The following CCDC102B variants were observed in gnomAD, a reference collection of about 807,000 sequenced individuals.
CCDC102B encodes the protein coiled-coil domain-containing protein 102B.
CCDC102B carries 75 observed loss-of-function variants against 57.4 expected under a neutral mutation model. That is an observed-to-expected ratio of 1.31 (90% CI 1.08 to 1.58). The LOEUF is 1.58. Ranked by LOEUF, CCDC102B falls within the 40% of genes most tolerant of loss-of-function variation. CCDC102B has a pLI of 0.00. For synonymous variants in CCDC102B, 206 were observed against 201.9 expected (o/e 1.02, Z -0.17); for missense variants, 636 against 582.6 (o/e 1.09, Z -0.94).
At chr18:68,728,802 A>G (rs1438141930) in intron 2 of CCDC102B, among the ~76,000 whole-genome samples, 2 of 152,222 alleles carry the variant, frequency 1.3e-5, no homozygotes, top group East Asian at 1.9e-4. Flanking sequence ...GAGAAGTTCA[A>G]TATTACCACA....
In CCDC102B at chr18:68,765,539, A is replaced by G. The variant is rs189677595; in HGVS notation, c.-67+48945A>G. On this transcript the variant is annotated intron_variant, in intron 2 of 3. Transcript: ENST00000578970. ...AGAGAAAGAAATAGAAAGAGAAAAT[A>G]AGTGGAAGCCAAAGGGACTATAGTA... Among the ~76,000 whole-genome samples, 449 of 152,186 alleles carry G rather than the reference A, an allele frequency of 3.0e-3. 2 individuals are homozygous for G. The highest frequency in any genetic ancestry group is 0.01 in the African/African-American group (425 of 41,554).
intron 5 of CCDC102B, among the ~76,000 whole-genome samples, chr18:68,891,063 C>T (rs2040059919): frequency 6.6e-6 from 1 of 152,096 alleles, no homozygotes; most frequent in African/African-American, 2.4e-5. Flanking sequence ...CTTTTCTTAA[C>T]AATTTTTTAT....
intron 2 of CCDC102B, among the ~76,000 whole-genome samples, chr18:68,787,572 G>C (rs933277237): frequency 2.4e-4 from 36 of 151,474 alleles, no homozygotes; most frequent in African/African-American, 2.4e-5. Flanking sequence ...TGTATATGTC[G>C]AGGAATTTAT....
chr18:68,911,670 T>A (rs980829587), intron 6 of CCDC102B, among the ~76,000 whole-genome samples: 26 of 133,072 alleles, frequency 2.0e-4, no homozygotes, highest in African/African-American at 6.7e-4. Flanking sequence ...GAGAATGGCG[T>A]GAACCCGGGA....
intron 2 of CCDC102B, among the ~76,000 whole-genome samples, chr18:68,742,852 A>G (rs939778523): frequency 6.6e-6 from 1 of 152,174 alleles, no homozygotes; most frequent in South Asian, 2.1e-4. Flanking sequence ...TCTTTAAAAG[A>G]GGCACTGTAA....
At chr18:68,960,208 A>G (rs1475280098) in intron 6 of CCDC102B, among the ~76,000 whole-genome samples, 1 of 152,110 alleles carries the variant, frequency 6.6e-6, no homozygotes, top group Non-Finnish European at 1.5e-5. Context: ...TCAGCATGCA[A>G]TGAAACCTGC....
intron 6 of CCDC102B, among the ~76,000 whole-genome samples, chr18:68,998,589 C>CTAGT (rs2051099152): frequency 5.5e-5 from 1 of 18,038 alleles, no homozygotes. Context: ...AGTACCAAAA[C>CTAGT]CCCCAAAGTA....
At chr18:68,721,600 A>G (rs2032334926) in intron 2 of CCDC102B, 2 of 152,212 alleles carry the variant, frequency 1.3e-5, no homozygotes, top group Non-Finnish European at 2.9e-5. Flanking sequence ...ATTTAGAAAT[A>G]GAAAGGGAAG....
rs192366222 is a variant in CCDC102B, at chr18:69,020,283, G to T, written c.1434+9179G>T. Among the ~76,000 whole-genome samples, 8 of 152,018 alleles carry T rather than the reference G, an allele frequency of 5.3e-5. No individual in the cohort carries two copies. In the East Asian group the frequency reaches 9.6e-4, roughly 18 times the overall value. On this transcript the variant is annotated intron_variant, in intron 7 of 7. Coordinates refer to ENST00000360242, the MANE Select transcript of CCDC102B (RefSeq NM_024781.3). ...AATAAAAGTTCTATTTTGAGTAAGAGGAAGAAGAATCACCTAACTTTAAGA... is the reference window on the plus strand; with the variant it reads ...AATAAAAGTTCTATTTTGAGTAAGATGAAGAAGAATCACCTAACTTTAAGA...
chr18:68,717,240 C>A (rs1437972912), intron 2 of CCDC102B, among the ~76,000 whole-genome samples: 4 of 152,088 alleles, frequency 2.6e-5, no homozygotes, highest in Non-Finnish European at 4.4e-5. Flanking sequence ...AAGACCATGT[C>A]TCTATAAAAT....
chr18:68,880,344 C>G (rs187458183), intron 5 of CCDC102B, among the ~76,000 whole-genome samples: 1 of 152,204 alleles, frequency 6.6e-6, no homozygotes, highest in Non-Finnish European at 1.5e-5. Flanking sequence ...CCGCAAGCAC[C>G]GCGCGCAGCC....
rs1367175731 is a variant in CCDC102B, at chr18:68,956,442, AT to A, written c.1264-54490del. Among the ~76,000 whole-genome samples the A allele has an allele frequency of 6.4e-4, 10 of 15,734 alleles. No homozygotes were observed. In the South Asian group the frequency reaches 0.022, roughly 34 times the overall value. 10.3% of individuals were successfully genotyped at this position (15,734 alleles called of 152,430 possible). A position where few individuals can be genotyped will look rare whatever the true frequency, so the allele number is the denominator to read the frequency against. On this transcript the variant is annotated intron_variant, in intron 6 of 7. Transcript: ENST00000360242. Reference sequence around the variant, plus strand: ...TATATATATTATACATTTTATATATATTATATATATTATATATTTTATATAT... The same window carrying A: ...TATATATATTATACATTTTATATATATATATATATTATATATTTTATATAT...
chr18:68,943,592 A>T (rs1014521747), intron 6 of CCDC102B, among the ~76,000 whole-genome samples: 38 of 152,194 alleles, frequency 2.5e-4, no homozygotes, highest in African/African-American at 8.9e-4. Context: ...TACGCACAAT[A>T]AAGACGTTGT....
chr18:69,019,223 A>G (rs994239704), intron 7 of CCDC102B, among the ~76,000 whole-genome samples: 1 of 151,916 alleles, frequency 6.6e-6, no homozygotes, highest in Admixed American at 6.6e-5. Context: ...TATTTTGAGC[A>G]TTTTTTTCTA....
chr18:68,857,296 T>TTTAA (rs2038498574), intron 4 of CCDC102B, among the ~76,000 whole-genome samples: 1 of 21,450 alleles, frequency 4.7e-5, no homozygotes, highest in African/African-American at 1.5e-4. Context: ...TTATATATTA[T>TTTAA]ATATATAATA....
At chr18:68,820,302 T>C (rs1025004968) in intron 1 of CCDC102B, among the ~76,000 whole-genome samples, 1 of 152,174 alleles carries the variant, frequency 6.6e-6, no homozygotes, top group Non-Finnish European at 1.5e-5. Flanking sequence ...TTTATTCATG[T>C]ATTGGGGTGT....
Position 68,715,238 on chromosome 18 carries a change from G to C in CCDC102B, c.-257G>C, listed in dbSNP as rs984385199. ...CTTAAGAATCCTTTGCGCTCTCGGTGCCCCCCTCCACGCCCAGGAGCGTGG... is the reference window on the plus strand; with the variant it reads ...CTTAAGAATCCTTTGCGCTCTCGGTCCCCCCCTCCACGCCCAGGAGCGTGG... On this transcript the variant is annotated 5_prime_UTR_variant, in exon 1 of 4. Coordinates refer to the CCDC102B transcript ENST00000578970. 6.7e-6 allele frequency: 9 copies of C among 1,345,912 alleles called. No individual in the cohort carries two copies. The East Asian group carries it at 9.7e-5, about 14-fold the overall frequency. 83.4% of individuals were successfully genotyped at this position (1,345,912 alleles called of 1,614,324 possible).
chr18:68,885,366 G>T (rs2039846079), intron 5 of CCDC102B, among the ~76,000 whole-genome samples: 1 of 152,028 alleles, frequency 6.6e-6, no homozygotes, highest in South Asian at 2.1e-4. Context: ...TCTTCCAAAT[G>T]AAGGTCATGA....
At chr18:68,983,695 C>A (rs2050653227) in intron 6 of CCDC102B, among the ~76,000 whole-genome samples, 1 of 152,008 alleles carries the variant, frequency 6.6e-6, no homozygotes, top group South Asian at 2.1e-4. Context: ...TAGGAGATTG[C>A]ATTTATTATT....
Sources: allele counts gnomAD v4.1 joint callset (sites outside exome capture counted in the v4.1 genomes callset), GRCh38; gene constraint gnomAD v4.1.1; transcripts MANE v1.5; gene names NCBI Gene and HGNC (gene_info 2026-07-23, HGNC 2026-07-21).